The following TIAM2 variants were observed in gnomAD, a reference collection of about 807,000 sequenced individuals.
TIAM2 encodes TIAM Rac1 associated GEF 2.
Under a neutral mutation model 152.9 loss-of-function variants are expected in TIAM2, and 80 were observed. The ratio of observed to expected loss-of-function variants is 0.52; its 90% CI spans 0.44 to 0.63. TIAM2 has a LOEUF of 0.63. Among genes scored for constraint, TIAM2 ranks in the 30% least tolerant of loss-of-function variants. The probability of loss-of-function intolerance (pLI) is 0.00; values close to 1 mark genes in which losing one functional copy is unlikely to be tolerated. For synonymous variants in TIAM2, 804 were observed against 838.0 expected (o/e 0.96, Z 0.70); for missense variants, 1,965 against 2,120.1 (o/e 0.93, Z 1.44).
intron 14 of TIAM2, among the ~76,000 whole-genome samples, chr6:155,187,936 C>G (rs888064358): frequency 6.6e-6 from 1 of 152,152 alleles, no homozygotes; most frequent in African/African-American, 2.4e-5. Flanking sequence ...GCCAGCCTCT[C>G]TAGCCTGCAT....
At chr6:155,185,139 T>TA (rs1309149828) in intron 14 of TIAM2, among the ~76,000 whole-genome samples, 1 of 147,220 alleles carries the variant, frequency 6.8e-6, no homozygotes, top group Non-Finnish European at 1.5e-5. Context: ...TTTTTTTTTT[T>TA]TTTTTTTGAG....
intron 23 of TIAM2, among the ~76,000 whole-genome samples, 180 bp from the exon 24 acceptor site, chr6:155,252,768 C>T (rs1354052446): frequency 6.6e-6 from 1 of 152,238 alleles, no homozygotes; most frequent in East Asian, 1.9e-4. Context: ...CGCACCTTCC[C>T]TAGCATGTGA....
chr6:155,027,981 CTG>C (rs1170474128), intron 1 of TIAM2, among the ~76,000 whole-genome samples: 11 of 122,200 alleles, frequency 9.0e-5, no homozygotes, highest in South Asian at 4.9e-4. Context: ...AATATATGTA[CTG>C]TGTTACATAT....
In TIAM2 at chr6:155,250,786, G is replaced by C. The variant is rs1033944393; in HGVS notation, c.3952-127G>C. The C allele has an allele frequency of 4.3e-6, 5 of 1,150,690 alleles. No homozygotes were observed. In the African/African-American group the frequency reaches 4.6e-5, roughly 11 times the overall value. 71.3% of individuals were successfully genotyped at this position (1,150,690 alleles called of 1,614,324 possible). ...CACCGTTTAAGGCCCCATGTTTACA[G>C]GTATCATAAAAATTAAACCAGCTGT... On this transcript the variant is annotated intron_variant, in intron 21 of 26. Transcript: ENST00000682666.
intron 2 of TIAM2, among the ~76,000 whole-genome samples, chr6:155,095,107 T>C (rs1778392353): frequency 2.0e-5 from 3 of 152,152 alleles, no homozygotes; most frequent in Non-Finnish European, 2.9e-5. Flanking sequence ...TTTGCACACG[T>C]CTGTGATCTA....
intron 15 of TIAM2, among the ~76,000 whole-genome samples, chr6:155,236,579 C>CAA (rs1782770388): frequency 6.6e-6 from 1 of 152,134 alleles, no homozygotes; most frequent in Non-Finnish European, 1.5e-5. Context: ...AGGAGAATTG[C>CAA]TTGCACCCGG....
chr6:155,029,861 C>T (rs951259113), intron 1 of TIAM2, among the ~76,000 whole-genome samples: 10 of 151,210 alleles, frequency 6.6e-5, no homozygotes, highest in East Asian at 2.0e-4. Flanking sequence ...GGTGTGATCG[C>T]GGCTCACTGC....
At chr6:155,092,776 AC>A (rs1254628934) in intron 2 of TIAM2, among the ~76,000 whole-genome samples, 2 of 152,100 alleles carry the variant, frequency 1.3e-5, no homozygotes, top group Non-Finnish European at 2.9e-5. Context: ...AATCACTTGA[AC>A]CTGGGAGGCA....
intron 3 of TIAM2, among the ~76,000 whole-genome samples, chr6:155,128,391 G>A (rs1018038389): frequency 1.2e-4 from 18 of 151,992 alleles, no homozygotes; most frequent in Admixed American, 9.8e-4. Flanking sequence ...CCTGGTACCT[G>A]GTGTCATGTT....
rs1392228818 is a variant in TIAM2 at position 155,250,035 on chromosome 6, A to G, written c.3951+66A>G. Reference sequence around the variant, plus strand: ...GTGTGGGGTCTGTAGGTGACCTTCTAGATAGGCTGCCCTGTTAGGACTTTC... The same window carrying G: ...GTGTGGGGTCTGTAGGTGACCTTCTGGATAGGCTGCCCTGTTAGGACTTTC... On this transcript the variant is annotated intron_variant, in intron 21 of 26. Transcript: ENST00000682666. The G allele has an allele frequency of 3.2e-6, 4 of 1,240,200 alleles. No individual in the cohort carries two copies. The Admixed American group carries it at 9.0e-5, about 28-fold the overall frequency. The allele number at this position is 1,240,200 out of a possible 1,614,324, so 76.8% of individuals were successfully genotyped here.
At chr6:155,187,060 A>G (rs1396133281) in intron 14 of TIAM2, among the ~76,000 whole-genome samples, 1 of 152,162 alleles carries the variant, frequency 6.6e-6, no homozygotes, top group East Asian at 1.9e-4. Context: ...CAGAAAGTAG[A>G]TGAAAAGGAA....
intron 15 of TIAM2, chr6:155,216,805 TA>T: frequency 1.3e-6 from 1 of 779,996 alleles, no homozygotes; most frequent in Non-Finnish European, 1.7e-6. Flanking sequence ...ACGTCTGTGG[TA>T]ACCCGGTGCC....
intron 1 of TIAM2, among the ~76,000 whole-genome samples, chr6:155,063,180 A>C (rs1777624266): frequency 6.6e-6 from 1 of 152,172 alleles, no homozygotes; most frequent in African/African-American, 2.4e-5. Context: ...ATGATTTCAC[A>C]AACAGGGTAG....
intron 14 of TIAM2, among the ~76,000 whole-genome samples, chr6:155,198,666 C>CAAAAAAAAAAAA (rs10626644): frequency 5.7e-5 from 4 of 70,308 alleles, no homozygotes; most frequent in African/African-American, 2.0e-4. Context: ...GAGCAAATCT[C>CAAAAAAAAAAAA]AAAAAAAAAA....
In TIAM2 at chr6:155,104,041, C is replaced by CACACA. The variant is rs201906353; in HGVS notation, c.-118+13662_-118+13663insACACA. Among the ~76,000 whole-genome samples the CACACA allele has an allele frequency of 1.9e-4, 12 of 63,256 alleles. 1 individual carries two copies. The highest frequency in any genetic ancestry group is 9.1e-4 in the African/African-American group (10 of 10,978). The allele number at this position is 63,256 out of a possible 152,430, so 41.5% of individuals were successfully genotyped here. On this transcript the variant is annotated intron_variant, in intron 2 of 26. Coordinates refer to ENST00000682666, the MANE Select transcript of TIAM2 (RefSeq NM_012454.4). Reference sequence around the variant, plus strand: ...TCTGTATTTACCTCACACACACACACCCCCCCCCCCACACCCCCACACACC... The same window carrying CACACA: ...TCTGTATTTACCTCACACACACACACACACACCCCCCCCCCACACCCCCACACACC...
intron 1 of TIAM2, among the ~76,000 whole-genome samples, chr6:155,003,225 C>T (rs758096903): frequency 5.3e-5 from 8 of 151,878 alleles, no homozygotes; most frequent in South Asian, 4.2e-4. Flanking sequence ...CGTTTTTTTC[C>T]GAAGCGTGGA....
At chr6:155,032,210 C>T (rs1291080894) in intron 1 of TIAM2, among the ~76,000 whole-genome samples, 1 of 152,176 alleles carries the variant, frequency 6.6e-6, no homozygotes, top group East Asian at 1.9e-4. Context: ...GGTGCATACA[C>T]ACGTCTTAAG....
intron 9 of TIAM2, among the ~76,000 whole-genome samples, chr6:155,175,643 A>C (rs76415977): frequency 0.019 from 2,944 of 152,332 alleles, 101 homozygotes; most frequent in African/African-American, 0.067. Flanking sequence ...CTTTGCTGGT[A>C]GAGTCTGTGA....
intron 1 of TIAM2, among the ~76,000 whole-genome samples, chr6:155,075,975 A>G (rs1777948857): frequency 6.6e-6 from 1 of 152,216 alleles, no homozygotes. Flanking sequence ...GCATCCCCCG[A>G]ATACCCACAT....
Sources: allele counts gnomAD v4.1 joint callset (sites outside exome capture counted in the v4.1 genomes callset), GRCh38; gene constraint gnomAD v4.1.1; transcripts MANE v1.5; gene names NCBI Gene and HGNC (gene_info 2026-07-23, HGNC 2026-07-21).